ITFG2: variants seen among roughly 807,000 people sequenced by gnomAD.
The protein encoded by ITFG2 is KICSTOR complex protein ITFG2.
In ITFG2, 36 loss-of-function variants were observed where a neutral mutation model predicts 54.4. The observed-to-expected ratio is 0.66, with a 90% confidence interval of 0.51 to 0.87. ITFG2 has a LOEUF of 0.87. Among genes scored for constraint, ITFG2 ranks in the 40% least tolerant of loss-of-function variants. The probability of loss-of-function intolerance (pLI) is 0.00; values close to 1 mark genes in which losing one functional copy is unlikely to be tolerated. For missense variants in ITFG2, 524 were observed against 576.7 expected (o/e 0.91, Z 0.94); for synonymous variants, 211 against 225.4 (o/e 0.94, Z 0.57).
chr12:2,832,670 A>C (rs2098009625), upstream of ITFG2, among the ~76,000 whole-genome samples: 1 of 149,882 alleles, frequency 6.7e-6, no homozygotes. Flanking sequence ...TTATGTATGG[A>C]TTTTACTCCC....
rs1405934332 is a variant in ITFG2, at chr12:2,820,082, A to G, written c.407-4A>G. The G allele has an allele frequency of 2.5e-6, 4 of 1,602,754 alleles. 1 individual carries two copies. The Admixed American group carries it at 6.9e-5, about 28-fold the overall frequency. The stretch of plus-strand genomic sequence containing the variant: ...AGAGCCCATCTTGTCTTTCATGCCC[A>G]CAGATGGAGATGGGTGTCGTGAGCT... On this transcript the variant is annotated splice_region_variant and splice_polypyrimidine_tract_variant and intron_variant, in intron 4 of 11. Coordinates refer to ENST00000228799, the MANE Select transcript of ITFG2 (RefSeq NM_018463.4).
downstream of ITFG2, chr12:2,825,950 G>A (rs1209693015): frequency 6.6e-6 from 1 of 152,178 alleles, no homozygotes; most frequent in Non-Finnish European, 1.5e-5. Flanking sequence ...TTTTAGTAGA[G>A]ATGGGGTTTT....
intron 2 of ITFG2, among the ~76,000 whole-genome samples, chr12:2,854,155 A>G (rs905480713): frequency 5.3e-5 from 8 of 152,192 alleles, no homozygotes; most frequent in Non-Finnish European, 1.0e-4. Flanking sequence ...TCTCCTGAGT[A>G]GCTGGGATTG....
intron 4 of ITFG2, 194 bp downstream of exon 4, chr12:2,818,471 G>A: frequency 1.3e-5 from 14 of 1,041,526 alleles, no homozygotes; most frequent in Non-Finnish European, 1.8e-5. Context: ...AAAAATTGCT[G>A]CCCTCCTGGG....
chr12:2,834,679 A>G (rs1387981266), upstream of ITFG2: 1 of 1,612,242 alleles, frequency 6.2e-7, no homozygotes, highest in Non-Finnish European at 8.5e-7. Context: ...GAGGCTGTCC[A>G]GCGGGAGCAG....
At chr12:2,817,385 TGAG>T in intron 2 of ITFG2, 67 bp downstream of exon 2, 1 of 1,135,722 alleles carries the variant, frequency 8.8e-7, no homozygotes, top group Non-Finnish European at 1.3e-6. Context: ...CCACCTAGGG[TGAG>T]CCCCACACAG....
chr12:2,835,696 G>T (rs996433641), upstream of ITFG2, among the ~76,000 whole-genome samples: 1 of 152,122 alleles, frequency 6.6e-6, no homozygotes, highest in Non-Finnish European at 1.5e-5. Context: ...AAGTTATAAA[G>T]AATAAGATAA....
downstream of ITFG2, chr12:2,825,759 G>C (rs1376257826): frequency 6.6e-6 from 1 of 152,222 alleles, no homozygotes; most frequent in East Asian, 1.9e-4. Context: ...GTCTTTCTCT[G>C]CTCCTTTTTT....
rs747671837 is a variant in ITFG2 at position 2,820,825 on chromosome 12, G to A, written c.648G>A (p.Lys216=). The change falls in exon 6 of 12, where the codon AAG becomes AAA. Residue 216 remains lysine, a synonymous_variant. Coordinates refer to ENST00000228799, the MANE Select transcript of ITFG2 (RefSeq NM_018463.4). ...CAATTCTACTGTGTACCTGGAAAAA[G>A]GACACTGGGTCCCCTCCTGCCTCTG... ...AYAILLCTWK[K]DTGSPPASEG... 8 of 1,614,028 alleles carry A rather than the reference G, an allele frequency of 5.0e-6. No homozygotes were observed. Among genetic ancestry groups the A allele is most frequent in the Non-Finnish European group, 5.9e-6 (7 of 1,179,968 alleles).
chr12:2,831,989 C>T (rs1040571577), upstream of ITFG2, among the ~76,000 whole-genome samples: 2 of 152,106 alleles, frequency 1.3e-5, no homozygotes, highest in Admixed American at 1.3e-4. Flanking sequence ...AACCTGTCTC[C>T]AGACCTGTTA....
upstream of ITFG2, among the ~76,000 whole-genome samples, chr12:2,836,284 T>C (rs950235442): frequency 1.3e-5 from 2 of 152,212 alleles, no homozygotes; most frequent in African/African-American, 2.4e-5. Flanking sequence ...ATCAGACTTT[T>C]TCTAGCCCTG....
rs761394088 is a variant in ITFG2 at position 2,821,649 on chromosome 12, G to A, written c.848-43G>A. ...GGCTGTATGCCTGTAGGGTCTGCTC[G>A]GGGCCTATCCCACCCACACTCAGCC... is the stretch of plus-strand genomic sequence containing the variant. On this transcript the variant is annotated intron_variant, in intron 8 of 11. Coordinates refer to ENST00000228799, the MANE Select transcript of ITFG2 (RefSeq NM_018463.4). 13 of 1,613,310 alleles carry A rather than the reference G, an allele frequency of 8.1e-6. No homozygotes were observed. In the East Asian group the frequency reaches 8.9e-5, roughly 11 times the overall value.
At chr12:2,823,604 A>G (rs907581425) in intron 10 of ITFG2, among the ~76,000 whole-genome samples, 166 bp from the exon 11 acceptor site, 1 of 152,114 alleles carries the variant, frequency 6.6e-6, no homozygotes, top group Non-Finnish European at 1.5e-5. Flanking sequence ...TTCCCATCTT[A>G]CTTGTTTTAC....
rs758067212 is a variant in ITFG2 at position 2,821,604 on chromosome 12, A to G, written c.847+8A>G. ...CCCTGTGCACCCTGGATGGTGAGCA[A>G]TGCTAGGATGGGGTGTGGGGGCTGT... On this transcript the variant is annotated splice_region_variant and intron_variant, in intron 8 of 11. Coordinates refer to ENST00000228799, the MANE Select transcript of ITFG2 (RefSeq NM_018463.4). 2.3e-5 allele frequency: 37 copies of G among 1,613,984 alleles called. No homozygotes were observed. The highest frequency in any genetic ancestry group is 1.2e-4 in the Admixed American group (7 of 59,996).
chr12:2,858,675 T>A, intron 3 of ITFG2: 1 of 1,614,152 alleles, frequency 6.2e-7, no homozygotes, highest in Non-Finnish European at 8.5e-7. Flanking sequence ...CCAGTTGATG[T>A]TGTCAGGGCC....
chr12:2,854,871 G>T (rs879562870), intron 2 of ITFG2: 2 of 1,514,144 alleles, frequency 1.3e-6, no homozygotes, highest in Non-Finnish European at 1.8e-6. Flanking sequence ...GGCTGGGTGG[G>T]CTCCCTGAGG....
chr12:2,858,474 C>G (rs1056939722), intron 3 of ITFG2: 1 of 609,076 alleles, frequency 1.6e-6, no homozygotes, highest in African/African-American at 1.8e-5. Flanking sequence ...AAGGTCCCAG[C>G]AGTGGCTAGG....
intron 5 of ITFG2, 138 bp downstream of exon 5, chr12:2,820,363 G>A (rs2097939278): frequency 9.0e-7 from 1 of 1,112,848 alleles, no homozygotes; most frequent in Non-Finnish European, 1.3e-6. Context: ...GAGATCCAAA[G>A]ACCATTTCAA....
intron 4 of ITFG2, among the ~76,000 whole-genome samples, chr12:2,819,203 G>A (rs893996190): frequency 2.0e-5 from 3 of 152,056 alleles, no homozygotes; most frequent in Admixed American, 6.6e-5. Flanking sequence ...GGTGGCTCAC[G>A]CCTGTAATCC....
Sources: allele counts gnomAD v4.1 joint callset (sites outside exome capture counted in the v4.1 genomes callset), GRCh38; gene constraint gnomAD v4.1.1; transcripts MANE v1.5; gene names NCBI Gene and HGNC (gene_info 2026-07-23, HGNC 2026-07-21).